SERINC1: variants seen among roughly 807,000 people sequenced by gnomAD.
SERINC1 encodes the protein serine incorporator 1, also known as tumor differentially expressed protein 2.
SERINC1 carries 38 observed loss-of-function variants against 52.9 expected under a neutral mutation model. That is an observed-to-expected ratio of 0.72 (90% CI 0.55 to 0.94). SERINC1 has a LOEUF of 0.94. Ranked by LOEUF, SERINC1 falls within the 40% of genes least tolerant of loss-of-function variation. SERINC1 has a pLI of 0.00. For missense variants in SERINC1, 471 were observed against 533.9 expected, an observed-to-expected ratio of 0.88 and a Z score of 1.16; for synonymous variants, 198 against 183.1, an observed-to-expected ratio of 1.08 and a Z score of -0.66.
Position 122,471,716 on chromosome 6 carries a change from A to G in SERINC1, c.22T>C (p.Cys8Arg). 1 of 1,614,210 alleles carries G rather than the reference A, an allele frequency of 6.2e-7. No homozygotes were observed. Among genetic ancestry groups the G allele is most frequent in the Non-Finnish European group, 8.5e-7 (1 of 1,180,016 alleles). Reference protein sequence around the residue: MGSVLGLCSMASWIPCLC... With the variant: MGSVLGLRSMASWIPCLC... ...CACCTTACCCAGCTCGCCATGGAGCACAGCCCCAGGACGCTCCCCATCTCC... is the reference window on the plus strand; with the variant it reads ...CACCTTACCCAGCTCGCCATGGAGCGCAGCCCCAGGACGCTCCCCATCTCC... Residue 8 changes from cysteine to arginine, a missense_variant, in exon 1 of 10, where the codon TGC becomes CGC. Cys to Arg is a radical substitution (Grantham distance 180). Transcript: ENST00000339697.
chr6:122,456,282 G>A (rs1484102645), intron 3 of SERINC1, among the ~76,000 whole-genome samples, 199 bp downstream of exon 3: 1 of 152,096 alleles, frequency 6.6e-6, no homozygotes, highest in East Asian at 1.9e-4. Context: ...GTGGATCAGA[G>A]GTTATCACAG....
At chr6:122,458,936 A>T (rs1775051589) in intron 1 of SERINC1, among the ~76,000 whole-genome samples, 1 of 152,180 alleles carries the variant, frequency 6.6e-6, no homozygotes, top group African/African-American at 2.4e-5. Context: ...CAGCTAAAAC[A>T]AAAAGGGGAA....
chr6:122,445,256 A>C lies in SERINC1; in HGVS notation c.1227-77T>G, dbSNP rs571914581. 17 of 1,395,176 alleles carry C rather than the reference A, an allele frequency of 1.2e-5. No homozygotes were observed. In the East Asian group the frequency reaches 4.0e-4, roughly 32 times the overall value. 86.4% of individuals were successfully genotyped at this position (1,395,176 alleles called of 1,614,324 possible). Reference sequence around the variant, plus strand: ...GCCACCAAGCTATGAAGCTTCATTAATTCAGAAGCGTGCTTTGTATACAGT... The same window carrying C: ...GCCACCAAGCTATGAAGCTTCATTACTTCAGAAGCGTGCTTTGTATACAGT... On this transcript the variant is annotated intron_variant, in intron 9 of 9. Coordinates refer to ENST00000339697, the MANE Select transcript of SERINC1 (RefSeq NM_020755.4).
chr6:122,461,093 C>G (rs2114486781), intron 1 of SERINC1, among the ~76,000 whole-genome samples: 1 of 152,172 alleles, frequency 6.6e-6, no homozygotes, highest in Non-Finnish European at 1.5e-5. Context: ...ATTAGAGTCC[C>G]TGAAATGAAC....
At chr6:122,466,966 C>CA (rs1323165550) in intron 1 of SERINC1, among the ~76,000 whole-genome samples, 1 of 152,150 alleles carries the variant, frequency 6.6e-6, no homozygotes, top group Non-Finnish European at 1.5e-5. Flanking sequence ...TACAAGTCTA[C>CA]AAAGGAGCAT....
chr6:122,457,551 A>G (rs1464590632), intron 2 of SERINC1, among the ~76,000 whole-genome samples: 1 of 152,168 alleles, frequency 6.6e-6, no homozygotes, highest in African/African-American at 2.4e-5. Flanking sequence ...TGTGGTAATT[A>G]AATCATGAGG....
At chr6:122,446,152 A>C (rs1774796624) in intron 9 of SERINC1, among the ~76,000 whole-genome samples, 1 of 152,096 alleles carries the variant, frequency 6.6e-6, no homozygotes, top group African/African-American at 2.4e-5. Context: ...CAAATCTTTC[A>C]GTAATCATTT....
At chr6:122,464,014 G>A (rs1775148197) in intron 1 of SERINC1, among the ~76,000 whole-genome samples, 1 of 152,022 alleles carries the variant, frequency 6.6e-6, no homozygotes, top group African/African-American at 2.4e-5. Context: ...AAAAACATAC[G>A]GAGAATGAAA....
intron 3 of SERINC1, among the ~76,000 whole-genome samples, chr6:122,455,167 T>C (rs951438177): frequency 6.6e-6 from 1 of 152,176 alleles, no homozygotes; most frequent in African/African-American, 2.4e-5. Flanking sequence ...CTGATAGTTA[T>C]ACTGAGTGTC....
At chr6:122,468,592 T>G (rs1197843229) in intron 1 of SERINC1, among the ~76,000 whole-genome samples, 1 of 145,830 alleles carries the variant, frequency 6.9e-6, no homozygotes, top group Non-Finnish European at 1.6e-5. Context: ...CTTAAAAATA[T>G]GTTTAAGATG....
chr6:122,450,440 G>C (rs191976222), intron 7 of SERINC1, among the ~76,000 whole-genome samples: 3 of 152,328 alleles, frequency 2.0e-5, no homozygotes, highest in East Asian at 3.9e-4. Flanking sequence ...AGCTCTGATA[G>C]AGATGTACAG....
chr6:122,469,380 G>GTT (rs11300483), intron 1 of SERINC1, among the ~76,000 whole-genome samples: 10 of 139,102 alleles, frequency 7.2e-5, no homozygotes, highest in Admixed American at 1.4e-4. Flanking sequence ...TTTTGTTTTT[G>GTT]TTTTTTTTTT....
At chr6:122,451,790 T>G in intron 6 of SERINC1, 36 bp from the exon 7 acceptor site, 1 of 399,498 alleles carries the variant, frequency 2.5e-6, no homozygotes, top group Non-Finnish European at 3.8e-6. Flanking sequence ...TATATATATA[T>G]ATATAGCAAC....
chr6:122,455,173 G>A (rs1774974413), intron 3 of SERINC1, among the ~76,000 whole-genome samples: 2 of 152,114 alleles, frequency 1.3e-5, no homozygotes, highest in African/African-American at 2.4e-5. Flanking sequence ...GTTATACTGA[G>A]TGTCAATTGA....
intron 4 of SERINC1, 30 bp downstream of exon 4, chr6:122,454,121 A>G (rs781706199): frequency 6.6e-6 from 9 of 1,358,894 alleles, no homozygotes; most frequent in Admixed American, 6.2e-5. Context: ...TAAAATATCA[A>G]TGTCAAACAA....
At chr6:122,462,461 A>G (rs1045532605) in intron 1 of SERINC1, among the ~76,000 whole-genome samples, 2 of 152,206 alleles carry the variant, frequency 1.3e-5, no homozygotes, top group African/African-American at 4.8e-5. Context: ...GTCTATATAG[A>G]AAATCCCAAA....
rs966211638 is a variant in SERINC1 at position 122,471,566 on chromosome 6, A to C, written c.39+133T>G. The C allele has an allele frequency of 2.8e-6, 3 of 1,055,964 alleles. No homozygotes were observed. In the African/African-American group the frequency reaches 4.8e-5, roughly 17 times the overall value. The allele number at this position is 1,055,964 out of a possible 1,614,324, so 65.4% of individuals were successfully genotyped here. A position where few individuals can be genotyped will look rare whatever the true frequency, so the allele number is the denominator to read the frequency against. On this transcript the variant is annotated intron_variant, in intron 1 of 9. Transcript: ENST00000339697. Reference sequence around the variant, plus strand: ...TGAGTGACGAGAGGAGACGGGAAGAAAACGGGGACAGAGAGGGCACTCCCT... The same window carrying C: ...TGAGTGACGAGAGGAGACGGGAAGACAACGGGGACAGAGAGGGCACTCCCT...
intron 7 of SERINC1, 36 bp downstream of exon 7, chr6:122,451,628 G>T: frequency 2.6e-6 from 2 of 777,616 alleles, no homozygotes; most frequent in Non-Finnish European, 2.1e-6. Context: ...AACAACTGCA[G>T]AACCTTTAGG....
chr6:122,460,046 C>A (rs1482512284), intron 1 of SERINC1, among the ~76,000 whole-genome samples: 1 of 152,060 alleles, frequency 6.6e-6, no homozygotes, highest in Non-Finnish European at 1.5e-5. Context: ...ACAATGTGAG[C>A]CCTATGACTG....
Sources: allele counts gnomAD v4.1 joint callset (sites outside exome capture counted in the v4.1 genomes callset), GRCh38; gene constraint gnomAD v4.1.1; transcripts MANE v1.5; gene names NCBI Gene and HGNC (gene_info 2026-07-23, HGNC 2026-07-21).